MTDH: variants seen among roughly 807,000 people sequenced by gnomAD.
MTDH encodes the protein metadherin.
Under a neutral mutation model 72.7 loss-of-function variants are expected in MTDH, and 34 were observed. The observed-to-expected ratio is 0.47, with a 90% CI of 0.36 to 0.62. The LOEUF (loss-of-function observed/expected upper bound fraction) is 0.62, where lower values mean the gene tolerates loss of function less well. MTDH is among the 20% of genes least tolerant of loss of function. The probability of loss-of-function intolerance (pLI) is 0.00; values close to 1 mark genes in which losing one functional copy is unlikely to be tolerated. For missense variants in MTDH, 677 were observed against 699.4 expected (o/e 0.97, Z 0.36); for synonymous variants, 266 against 268.9 (o/e 0.99, Z 0.10).
At chr8:97,703,157 G>A (rs986595410) in intron 7 of MTDH, among the ~76,000 whole-genome samples, 8 of 152,060 alleles carry the variant, frequency 5.3e-5, no homozygotes, top group South Asian at 4.1e-4. Flanking sequence ...TTGAGCCCAC[G>A]CGTTCAAGAC....
In MTDH at chr8:97,661,838, C is replaced by T. The variant is rs374762686; in HGVS notation, c.483+665C>T. On this transcript the variant is annotated intron_variant, in intron 2 of 11. Coordinates refer to ENST00000336273, the MANE Select transcript of MTDH (RefSeq NM_178812.4). ...CGCACCTGTAGTCCTAGCTACTCAG[C>T]AGGCTGAGGTGGGAGGATTGGTTTC... Among the ~76,000 whole-genome samples, 6 of 149,582 alleles carry T rather than the reference C, an allele frequency of 4.0e-5. No individual in the cohort carries two copies. The East Asian group carries it at 6.0e-4, about 15-fold the overall frequency.
chr8:97,704,024 C>T (rs960335935), intron 7 of MTDH, among the ~76,000 whole-genome samples: 2 of 152,170 alleles, frequency 1.3e-5, no homozygotes, highest in Admixed American at 6.5e-5. Flanking sequence ...ATACTGACTC[C>T]AGATACTTGC....
chr8:97,708,853 G>T (rs892016862), intron 8 of MTDH, among the ~76,000 whole-genome samples: 1 of 151,774 alleles, frequency 6.6e-6, no homozygotes, highest in Non-Finnish European at 1.5e-5. Context: ...GCCCACCTTG[G>T]CCCCCCAGAG....
intron 2 of MTDH, among the ~76,000 whole-genome samples, chr8:97,674,690 T>C (rs182796799): frequency 2.0e-5 from 3 of 152,260 alleles, no homozygotes; most frequent in East Asian, 3.9e-4. Context: ...GTTGACACAA[T>C]AGAAGTAGAA....
intron 8 of MTDH, among the ~76,000 whole-genome samples, chr8:97,713,079 A>G (rs1335143770): frequency 6.6e-6 from 1 of 151,962 alleles, no homozygotes; most frequent in Non-Finnish European, 1.5e-5. Flanking sequence ...TTAATTTTTT[A>G]TTTTTATTTA....
intron 8 of MTDH, among the ~76,000 whole-genome samples, chr8:97,707,872 A>T (rs886650201): frequency 6.6e-6 from 1 of 152,072 alleles, no homozygotes; most frequent in African/African-American, 2.4e-5. Flanking sequence ...GAAAAAAAAA[A>T]AGAAAAAGTT....
chr8:97,683,863 G>A (rs1391829787), intron 2 of MTDH, among the ~76,000 whole-genome samples: 1 of 152,118 alleles, frequency 6.6e-6, no homozygotes, highest in African/African-American at 2.4e-5. Context: ...TGTAATCCCA[G>A]CATTTTGGGA....
intron 2 of MTDH, among the ~76,000 whole-genome samples, chr8:97,671,242 C>G (rs969083503): frequency 2.0e-5 from 3 of 152,118 alleles, no homozygotes; most frequent in Non-Finnish European, 4.4e-5. Flanking sequence ...GCTGGGATTA[C>G]AGGCATGAGC....
chr8:97,664,480 G>A lies in MTDH; in HGVS notation c.483+3307G>A, dbSNP rs113878502. 6.0e-3 allele frequency among the ~76,000 whole-genome samples: 920 copies of A among 152,160 alleles called. 7 individuals are homozygous for A. Among genetic ancestry groups the A allele is most frequent in the African/African-American group, 0.02 (834 of 41,524 alleles). On this transcript the variant is annotated intron_variant, in intron 2 of 11. Coordinates refer to ENST00000336273, the MANE Select transcript of MTDH (RefSeq NM_178812.4). ...GTTGCTGTTGCTTTTTCAGTACAAA[G>A]TTTCTACCTTTGGTTTCTTGCCTAT...
intron 7 of MTDH, 57 bp from the exon 8 acceptor site, chr8:97,706,569 T>C: frequency 2.7e-6 from 4 of 1,460,636 alleles, no homozygotes; most frequent in Non-Finnish European, 3.6e-6. Flanking sequence ...TTTTAGTTTT[T>C]GCCTTTTAAT....
At chr8:97,712,313 A>C (rs1423122122) in intron 8 of MTDH, among the ~76,000 whole-genome samples, 1 of 152,180 alleles carries the variant, frequency 6.6e-6, no homozygotes, top group Non-Finnish European at 1.5e-5. Flanking sequence ...CTGGGATTGC[A>C]GGCTTCAGCC....
chr8:97,654,690 A>C (rs1294357059), intron 1 of MTDH, among the ~76,000 whole-genome samples: 2 of 151,956 alleles, frequency 1.3e-5, no homozygotes, highest in African/African-American at 2.4e-5. Context: ...CCCCACATGC[A>C]TTAGGTATTT....
intron 8 of MTDH, among the ~76,000 whole-genome samples, chr8:97,710,977 G>A (rs943819647): frequency 6.6e-6 from 1 of 152,036 alleles, no homozygotes; most frequent in East Asian, 1.9e-4. Flanking sequence ...TCCAGCCTTG[G>A]CAACAGAGCA....
chr8:97,645,289 G>A (rs532769775), intron 1 of MTDH, among the ~76,000 whole-genome samples: 1 of 152,284 alleles, frequency 6.6e-6, no homozygotes, highest in South Asian at 2.1e-4. Context: ...GACTGCGCTC[G>A]GAAGACAGAT....
intron 2 of MTDH, among the ~76,000 whole-genome samples, chr8:97,681,385 AAGGT>A (rs1389381605): frequency 6.6e-6 from 1 of 152,078 alleles, no homozygotes; most frequent in Non-Finnish European, 1.5e-5. Flanking sequence ...GACCTTGTAA[AAGGT>A]AGGAAATATC....
chr8:97,658,677 T>G (rs1812065789), intron 1 of MTDH, among the ~76,000 whole-genome samples: 2 of 152,248 alleles, frequency 1.3e-5, no homozygotes, highest in South Asian at 4.1e-4. Flanking sequence ...GTTTAGCAGA[T>G]ATAAGTTTTG....
intron 2 of MTDH, among the ~76,000 whole-genome samples, chr8:97,679,756 A>G (rs185376572): frequency 4.6e-5 from 7 of 152,294 alleles, no homozygotes; most frequent in Admixed American, 3.3e-4. Flanking sequence ...ATTTTTTCCC[A>G]TGGAAGTATG....
chr8:97,658,621 T>C (rs766089973), intron 1 of MTDH, among the ~76,000 whole-genome samples: 6 of 152,150 alleles, frequency 3.9e-5, no homozygotes, highest in Non-Finnish European at 8.8e-5. Flanking sequence ...TGGCAGTATA[T>C]AAGTGATTAT....
chr8:97,653,578 C>CT (rs1459922022), intron 1 of MTDH, among the ~76,000 whole-genome samples: 1 of 152,118 alleles, frequency 6.6e-6, no homozygotes, highest in Non-Finnish European at 1.5e-5. Context: ...CAGAAAAGAC[C>CT]TTTAGTAGTT....
Sources: allele counts gnomAD v4.1 joint callset (sites outside exome capture counted in the v4.1 genomes callset), GRCh38; gene constraint gnomAD v4.1.1; transcripts MANE v1.5; gene names NCBI Gene and HGNC (gene_info 2026-07-23, HGNC 2026-07-21).